The following BCL2L11 variants were observed in gnomAD, a reference collection of about 807,000 sequenced individuals.
BCL2L11 encodes BCL2 like 11.
BCL2L11 carries 15 observed loss-of-function variants against 20.6 expected under a neutral mutation model. That is an observed-to-expected ratio of 0.73 (90% CI 0.49 to 1.12). BCL2L11 has a LOEUF of 1.12. Ranked by LOEUF, BCL2L11 falls within the 50% of genes most tolerant of loss-of-function variation. The probability of loss-of-function intolerance (pLI) is 0.00; values close to 1 mark genes in which losing one functional copy is unlikely to be tolerated. For missense variants in BCL2L11, 292 were observed against 260.9 expected (o/e 1.12, Z -0.82); for synonymous variants, 108 against 92.8 (o/e 1.16, Z -0.94).
chr2:111,126,320 T>C (rs1397527021), intron 2 of BCL2L11, among the ~76,000 whole-genome samples: 1 of 152,166 alleles, frequency 6.6e-6, no homozygotes, highest in Non-Finnish European at 1.5e-5. Flanking sequence ...ATCTAAATAA[T>C]TATGCACAGC....
At chr2:111,152,029 T>C (rs1166455298) in intron 3 of BCL2L11, 1 of 744,814 alleles carries the variant, frequency 1.3e-6, no homozygotes. Context: ...CTCTATTGAC[T>C]AGGAAGAACT....
chr2:111,131,010 A>G (rs755355910), intron 2 of BCL2L11, among the ~76,000 whole-genome samples: 2 of 152,046 alleles, frequency 1.3e-5, no homozygotes, highest in Non-Finnish European at 2.9e-5. Flanking sequence ...GAATTTGTCG[A>G]TATTTTGTTG....
At chr2:111,140,195 A>G (rs564182044) in intron 2 of BCL2L11, among the ~76,000 whole-genome samples, 1 of 152,320 alleles carries the variant, frequency 6.6e-6, no homozygotes, top group South Asian at 2.1e-4. Context: ...TCTGCACAGT[A>G]CATAATGCTT....
chr2:111,123,436 A>G (rs2071692799), intron 1 of BCL2L11: 2 of 985,376 alleles, frequency 2.0e-6, no homozygotes, highest in Non-Finnish European at 1.2e-6. Flanking sequence ...GGCAAAGAGC[A>G]CACACGAATA....
At chr2:111,134,061 G>C (rs1406051302) in intron 2 of BCL2L11, among the ~76,000 whole-genome samples, 2 of 150,502 alleles carry the variant, frequency 1.3e-5, no homozygotes, top group Non-Finnish European at 3.0e-5. Context: ...TGCATATGTT[G>C]TATTTGAGAT....
At position 111,161,553 on chromosome 2, in the gene BCL2L11, G is replaced by T. The variant is rs1235391253; in HGVS notation, c.499-2580G>T. ...GGCTGCTGATGATCCGCTTATGGGT[G>T]TGTTTATTGTCTTAGCCCATGTTAG... On this transcript the variant is annotated intron_variant, in intron 3 of 3. Transcript: ENST00000393256. 7.8e-6 allele frequency: 12 copies of T among 1,541,640 alleles called. No individual in the cohort carries two copies. The South Asian group carries it at 1.4e-4, about 18-fold the overall frequency.
chr2:111,124,548 C>T (rs2072089493), intron 2 of BCL2L11, among the ~76,000 whole-genome samples: 1 of 152,150 alleles, frequency 6.6e-6, no homozygotes, highest in Non-Finnish European at 1.5e-5. Context: ...TCTCAGCCTC[C>T]CAAAGTGCTG....
chr2:111,158,540 A>G (rs913897867), intron 3 of BCL2L11, among the ~76,000 whole-genome samples: 2 of 150,850 alleles, frequency 1.3e-5, no homozygotes, highest in African/African-American at 2.4e-5. Flanking sequence ...TATATAATGT[A>G]TAATAATTTA....
Position 111,147,390 on chromosome 2 carries a change from A to ACACACACACACC in BCL2L11, c.395-2653_395-2652insACACACACACCC, listed in dbSNP as rs1039299406. Among the ~76,000 whole-genome samples, 87 of 138,344 alleles carry ACACACACACACC rather than the reference A, an allele frequency of 6.3e-4. 1 individual carries two copies. The East Asian group carries it at 0.017, about 27-fold the overall frequency. 90.8% of individuals were successfully genotyped at this position (138,344 alleles called of 152,430 possible). On this transcript the variant is annotated intron_variant, in intron 2 of 3. Coordinates refer to ENST00000393256, the MANE Select transcript of BCL2L11 (RefSeq NM_138621.5). ...CACACACACACACACACACACACAC[A>ACACACACACACC]CCCGCCATTTCTCCCTGCCAGAGCT...
rs141852523 is a variant in BCL2L11 at position 111,146,392 on chromosome 2, CTT to C, written c.395-3648_395-3647del. ...AACTAGAAATGTCAACCTAAGTTATCTTTTTGATAGCTCGAGTATGTTAGGAT... is the reference window on the plus strand; with the variant it reads ...AACTAGAAATGTCAACCTAAGTTATCTTTGATAGCTCGAGTATGTTAGGAT... On this transcript the variant is annotated intron_variant, in intron 2 of 3. Coordinates refer to ENST00000393256, the MANE Select transcript of BCL2L11 (RefSeq NM_138621.5). The C allele has an allele frequency of 4.6e-3, 1,645 of 357,172 alleles. 31 individuals carry two copies. The highest frequency in any genetic ancestry group is 0.033 in the African/African-American group (1,514 of 45,374). The allele number at this position is 357,172 out of a possible 1,614,324, so 22.1% of individuals were successfully genotyped here.
intron 2 of BCL2L11, chr2:111,132,018 A>G (rs559128295): frequency 2.6e-5 from 4 of 152,072 alleles, no homozygotes; most frequent in Admixed American, 2.0e-4. Flanking sequence ...ATTAGCATAC[A>G]AGATGGAGTT....
At chr2:111,162,971 A>C (rs903976890) in intron 3 of BCL2L11, 2 of 152,256 alleles carry the variant, frequency 1.3e-5, no homozygotes, top group African/African-American at 4.8e-5. Flanking sequence ...GAGTGCCTCT[A>C]CAGGAATCGC....
At chr2:111,122,600 G>A (rs1444402740) in intron 1 of BCL2L11, 2 of 984,398 alleles carry the variant, frequency 2.0e-6, no homozygotes, top group Non-Finnish European at 2.4e-6. Flanking sequence ...GGAGGTCGGC[G>A]GTGCCGGCGG....
intron 2 of BCL2L11, among the ~76,000 whole-genome samples, chr2:111,149,156 C>T (rs2076944256): frequency 6.6e-6 from 1 of 152,140 alleles, no homozygotes; most frequent in South Asian, 2.1e-4. Context: ...GTAATGCTTT[C>T]CTGGTGGCAC....
intron 2 of BCL2L11, among the ~76,000 whole-genome samples, chr2:111,147,390 A>ACCCC (rs1553500143): frequency 8.0e-5 from 11 of 138,362 alleles, no homozygotes; most frequent in East Asian, 4.3e-4. Context: ...ACACACACAC[A>ACCCC]CCCGCCATTT....
rs2079116815 is a variant in BCL2L11 at position 111,168,175 on chromosome 2, C to T, written c.*3944C>T. On this transcript the variant is annotated 3_prime_UTR_variant, in exon 4 of 4. Coordinates refer to ENST00000393256, the MANE Select transcript of BCL2L11 (RefSeq NM_138621.5). The stretch of plus-strand genomic sequence containing the variant: ...CTCTCTTATGTTTTATGTCCAGATT[C>T]TGTGACCACTAGTTACTGTATCAGA... 6.6e-6 allele frequency: 1 copy of T among 152,668 alleles called. No individual in the cohort carries two copies. The highest frequency in any genetic ancestry group is 1.5e-5 in the Non-Finnish European group (1 of 68,052). The allele number at this position is 152,668 out of a possible 1,614,324, so 9.5% of individuals were successfully genotyped here.
intron 2 of BCL2L11, among the ~76,000 whole-genome samples, chr2:111,130,870 A>G (rs576499246): frequency 6.6e-5 from 10 of 152,324 alleles, no homozygotes; most frequent in African/African-American, 2.4e-4. Flanking sequence ...ATATGATCCC[A>G]TGATGTTAAT....
intron 2 of BCL2L11, among the ~76,000 whole-genome samples, chr2:111,135,479 C>T (rs1428056623): frequency 6.6e-6 from 1 of 151,974 alleles, no homozygotes; most frequent in Non-Finnish European, 1.5e-5. Context: ...TGCCTCATAC[C>T]TTGTTTCTGC....
At chr2:111,128,067 C>G (rs1431705244) in intron 2 of BCL2L11, among the ~76,000 whole-genome samples, 1 of 152,076 alleles carries the variant, frequency 6.6e-6, no homozygotes, top group African/African-American at 2.4e-5. Context: ...CCTTGCAAAA[C>G]AGAAATTCTG....
Sources: gnomAD v4.1 joint callset for allele counts (sites outside exome capture counted in the v4.1 genomes callset) on GRCh38, gnomAD v4.1.1 for gene constraint, MANE v1.5 for transcripts, NCBI Gene and HGNC (gene_info 2026-07-23, HGNC 2026-07-21) for gene names.